Variants in CUL5 observed in about 807,000 individuals in gnomAD.
The protein encoded by CUL5 is cullin-5.
A neutral mutation model predicts 108.8 loss-of-function variants in CUL5; 26 were observed. The ratio of observed to expected loss-of-function variants is 0.24; its 90% CI spans 0.18 to 0.33. CUL5 has a LOEUF of 0.33. Ranked by LOEUF, CUL5 falls within the 10% of genes least tolerant of loss-of-function variation. The pLI, the probability that CUL5 is intolerant of heterozygous loss-of-function variation, is 1.00. For synonymous variants in CUL5, 334 were observed against 298.0 expected, an observed-to-expected ratio of 1.12 and a Z score of -1.25; for missense variants, 524 against 909.2, an observed-to-expected ratio of 0.58 and a Z score of 5.45.
At position 108,054,624 on chromosome 11, in the gene CUL5, ATACT is replaced by A. The variant is rs1863326848; in HGVS notation, c.554-21_554-18del. 1 of 1,465,258 alleles carries A rather than the reference ATACT, an allele frequency of 6.8e-7. No homozygotes were observed. Among genetic ancestry groups the A allele is most frequent in the Admixed American group, 1.9e-5 (1 of 51,460 alleles). 90.8% of individuals were successfully genotyped at this position (1,465,258 alleles called of 1,614,324 possible). The stretch of plus-strand genomic sequence containing the variant: ...ACTGATTTTGATCATAATTGGAGTA[ATACT>A]TTATTTTCTGTTTTTCAGTTAACCT... On this transcript the variant is annotated intron_variant, in intron 5 of 18. Coordinates refer to ENST00000393094, the MANE Select transcript of CUL5 (RefSeq NM_003478.6).
intron 11 of CUL5, among the ~76,000 whole-genome samples, chr11:108,087,770 G>GC (rs11385295): frequency 0.027 from 4,062 of 152,180 alleles, 191 homozygotes; most frequent in African/African-American, 0.09. Context: ...TTTGAGACCA[G>GC]CCTGGCCAAC....
intron 11 of CUL5, among the ~76,000 whole-genome samples, chr11:108,085,688 G>A (rs543274840): frequency 8.5e-5 from 13 of 152,212 alleles, no homozygotes; most frequent in African/African-American, 3.1e-4. Flanking sequence ...AAAGAAGTGG[G>A]TCACAAAATA....
rs138650456 is a variant in CUL5 at position 108,020,588 on chromosome 11, C to G, written c.24+11216C>G. On this transcript the variant is annotated intron_variant, in intron 1 of 18. Coordinates refer to ENST00000393094, the MANE Select transcript of CUL5 (RefSeq NM_003478.6). ...ATAGAGACAGGGTCTCACCACGTTG[C>G]CCAGGCTGGTCTCAAACTCCTGAGC... 1.8e-4 allele frequency among the ~76,000 whole-genome samples: 27 copies of G among 150,728 alleles called. 1 individual carries two copies. The East Asian group carries it at 5.1e-3, about 28-fold the overall frequency.
At chr11:108,025,531 C>G (rs1240363916) in intron 1 of CUL5, among the ~76,000 whole-genome samples, 1 of 152,134 alleles carries the variant, frequency 6.6e-6, no homozygotes, top group Non-Finnish European at 1.5e-5. Flanking sequence ...TACTTTGGCT[C>G]CACTATAGAC....
In CUL5 at chr11:108,104,553, A is replaced by G. The variant is rs1406959674; in HGVS notation, c.*169A>G. 1 of 483,414 alleles carries G rather than the reference A, an allele frequency of 2.1e-6. No individual in the cohort carries two copies. The highest frequency in any genetic ancestry group is 3.5e-5 in the East Asian group (1 of 28,328). 29.9% of individuals were successfully genotyped at this position (483,414 alleles called of 1,614,324 possible). On this transcript the variant is annotated 3_prime_UTR_variant, in exon 19 of 19. Transcript: ENST00000393094. Reference sequence around the variant, plus strand: ...TATTTTGCCAATCACATTAGTTAGCATGATGGCATTCCCTTCATGTTGCAC... The same window carrying G: ...TATTTTGCCAATCACATTAGTTAGCGTGATGGCATTCCCTTCATGTTGCAC...
At chr11:108,097,157 AC>A (rs1227028547) in intron 16 of CUL5, among the ~76,000 whole-genome samples, 59 of 152,156 alleles carry the variant, frequency 3.9e-4, no homozygotes, top group Admixed American at 3.9e-3. Flanking sequence ...AGCTGGGACT[AC>A]AGGTGCATGC....
At chr11:108,071,779 C>T (rs1863829603) in intron 8 of CUL5, among the ~76,000 whole-genome samples, 1 of 152,102 alleles carries the variant, frequency 6.6e-6, no homozygotes, top group Admixed American at 6.6e-5. Flanking sequence ...CTTTTTAACT[C>T]CTGGGCTCAA....
chr11:108,023,563 A>G (rs1324598623), intron 1 of CUL5, among the ~76,000 whole-genome samples: 3 of 152,192 alleles, frequency 2.0e-5, no homozygotes, highest in African/African-American at 7.2e-5. Context: ...CAAAGAATAT[A>G]TCCTGGGACC....
intron 13 of CUL5, among the ~76,000 whole-genome samples, chr11:108,093,257 C>A (rs1379773918): frequency 6.6e-6 from 1 of 150,916 alleles, no homozygotes; most frequent in Non-Finnish European, 1.5e-5. Flanking sequence ...AGTTGTCACA[C>A]CCCCTGTAAT....
chr11:108,057,578 G>A (rs1450923547), intron 7 of CUL5, among the ~76,000 whole-genome samples: 1 of 152,098 alleles, frequency 6.6e-6, no homozygotes, highest in Admixed American at 6.6e-5. Context: ...TTAAACAATC[G>A]CAAATTGATA....
chr11:108,025,373 G>A (rs1862428490), intron 1 of CUL5, among the ~76,000 whole-genome samples: 1 of 152,068 alleles, frequency 6.6e-6, no homozygotes, highest in East Asian at 1.9e-4. Context: ...GTGAGTATAT[G>A]TTTTAGGGGC....
At chr11:108,055,670 G>T (rs1863358133) in intron 7 of CUL5, among the ~76,000 whole-genome samples, 1 of 150,500 alleles carries the variant, frequency 6.6e-6, no homozygotes, top group Non-Finnish European at 1.5e-5. Flanking sequence ...TCTCTCTGTT[G>T]CCCAGGCTGG....
chr11:108,046,659 C>A (rs989085550), intron 3 of CUL5, among the ~76,000 whole-genome samples: 26 of 152,142 alleles, frequency 1.7e-4, no homozygotes. Flanking sequence ...TTTTTGGCTA[C>A]ACATCAGTCC....
intron 18 of CUL5, among the ~76,000 whole-genome samples, chr11:108,098,786 T>C (rs1302855859): frequency 6.6e-6 from 1 of 151,954 alleles, no homozygotes; most frequent in Non-Finnish European, 1.5e-5. Context: ...TCATATTCCA[T>C]TGTAATGTGA....
intron 1 of CUL5, among the ~76,000 whole-genome samples, chr11:108,014,878 G>A (rs967289966): frequency 2.0e-5 from 3 of 151,960 alleles, no homozygotes; most frequent in African/African-American, 7.2e-5. Flanking sequence ...GAGAGTGCTC[G>A]GTGCTCTTAT....
chr11:108,050,659 C>T (rs1863193459), intron 4 of CUL5, among the ~76,000 whole-genome samples: 1 of 152,210 alleles, frequency 6.6e-6, no homozygotes, highest in Non-Finnish European at 1.5e-5. Flanking sequence ...TGAGCCACTG[C>T]ACCCAACCTA....
At position 108,043,912 on chromosome 11, in the gene CUL5, A is replaced by G. The variant is rs763863365; in HGVS notation, c.135-2358A>G. Among the ~76,000 whole-genome samples the G allele has an allele frequency of 2.2e-4, 34 of 152,140 alleles. 1 individual carries two copies. The highest frequency in any genetic ancestry group is 9.8e-4 in the Admixed American group (15 of 15,274). ...GTGGTGCATGCCTGTAATCCCAGCT[A>G]CTTGGGAGGCTGAGGCAGGAGAATC... On this transcript the variant is annotated intron_variant, in intron 2 of 18. Transcript: ENST00000393094.
chr11:108,085,842 T>C lies in CUL5; in HGVS notation c.1179-2685T>C, dbSNP rs533691673. 5.3e-5 allele frequency among the ~76,000 whole-genome samples: 8 copies of C among 152,284 alleles called. No homozygotes were observed. In the South Asian group the frequency reaches 1.2e-3, roughly 24 times the overall value. On this transcript the variant is annotated intron_variant, in intron 11 of 18. Transcript: ENST00000393094. ...CTGCTGGCAGGTGTGGGGTTTCTTT[T>C]TGGGGTAATGAAAGTGTTCTAAAAT...
intron 1 of CUL5, among the ~76,000 whole-genome samples, chr11:108,021,410 A>G (rs977826360): frequency 6.6e-6 from 1 of 152,176 alleles, no homozygotes. Context: ...CTTTTCTTAC[A>G]CCTTTGTCCT....
Sources: allele counts gnomAD v4.1 joint callset (sites outside exome capture counted in the v4.1 genomes callset), GRCh38; gene constraint gnomAD v4.1.1; transcripts MANE v1.5; gene names NCBI Gene and HGNC (gene_info 2026-07-23, HGNC 2026-07-21).